Variants in UPP1 observed in about 807,000 individuals in gnomAD.
UPP1 encodes uridine phosphorylase 1.
UPP1 carries 25 observed loss-of-function variants against 29.6 expected under a neutral mutation model. The observed-to-expected ratio is 0.85, with a 90% CI of 0.62 to 1.18. The LOEUF (loss-of-function observed/expected upper bound fraction) is 1.18, where lower values mean the gene tolerates loss of function less well. UPP1 is among the 50% of genes most tolerant of loss of function. The probability of loss-of-function intolerance (pLI) is 0.00; values close to 1 mark genes in which losing one functional copy is unlikely to be tolerated. For missense variants in UPP1, 368 were observed against 410.4 expected (o/e 0.90, Z 0.89); for synonymous variants, 165 against 159.8 (o/e 1.03, Z -0.25).
chr7:48,091,918 G>A (rs1322137983), intron 2 of UPP1, among the ~76,000 whole-genome samples: 1 of 152,206 alleles, frequency 6.6e-6, no homozygotes, highest in African/African-American at 2.4e-5. Flanking sequence ...ACCAAACCTA[G>A]AGAGAAACAT....
intron 2 of UPP1, among the ~76,000 whole-genome samples, chr7:48,090,808 T>TAG (rs901846371): frequency 2.0e-5 from 3 of 152,244 alleles, no homozygotes; most frequent in African/African-American, 7.2e-5. Context: ...CCTGACCTTC[T>TAG]AGTCCTCTGC....
At chr7:48,094,942 G>T in intron 3 of UPP1, 115 bp downstream of exon 3, 1 of 1,265,052 alleles carries the variant, frequency 7.9e-7, no homozygotes. Context: ...TTTGATGCTT[G>T]TGAAAGAGAC....
At chr7:48,101,341 G>A (rs1792409391) in intron 4 of UPP1, among the ~76,000 whole-genome samples, 2 of 152,070 alleles carry the variant, frequency 1.3e-5, no homozygotes, top group African/African-American at 4.8e-5. Flanking sequence ...ATCACTTCCT[G>A]AGCCTCCTCT....
At chr7:48,089,729 C>T (rs1488177132) in intron 1 of UPP1, 3 of 152,176 alleles carry the variant, frequency 2.0e-5, no homozygotes, top group African/African-American at 4.8e-5. Flanking sequence ...GCGCGCGGGG[C>T]TCTGGGCGGG....
chr7:48,105,415 A>G (rs974708297), intron 6 of UPP1: 1 of 152,252 alleles, frequency 6.6e-6, no homozygotes, highest in Non-Finnish European at 1.5e-5. Flanking sequence ...GCAATCGGCC[A>G]TGTTTTTTAA....
chr7:48,095,226 G>A (rs150005880), intron 3 of UPP1, among the ~76,000 whole-genome samples: 1 of 152,276 alleles, frequency 6.6e-6, no homozygotes, highest in East Asian at 1.9e-4. Flanking sequence ...GGTATGCTTG[G>A]CATGACACCA....
chr7:48,099,434 T>A (rs1199923151), intron 3 of UPP1, among the ~76,000 whole-genome samples: 1 of 152,210 alleles, frequency 6.6e-6, no homozygotes, highest in Non-Finnish European at 1.5e-5. Context: ...ATTTCATCCC[T>A]GTTGCCCTCC....
chr7:48,101,984 T>C lies in UPP1; in HGVS notation c.321+2T>C. 3 of 1,612,974 alleles carry C rather than the reference T, an allele frequency of 1.9e-6. No homozygotes were observed. The highest frequency in any genetic ancestry group is 2.5e-6 in the Non-Finnish European group (3 of 1,179,312). ...GTAGGACCGGTGCTGTCTGTCAGTG[T>C]GAGTACCTGCCTTCCCTTGTGCTCA... On this transcript the variant is annotated splice_donor_variant, in intron 5 of 8. Coordinates refer to ENST00000395564, the MANE Select transcript of UPP1 (RefSeq NM_003364.4). LOFTEE classifies it high-confidence loss of function.
chr7:48,103,810 C>G, intron 6 of UPP1: 1 of 1,290,422 alleles, frequency 7.7e-7, no homozygotes. Flanking sequence ...GGAGAAAAGA[C>G]ACAGGAAAAT....
At chr7:48,098,743 C>T (rs557412360) in intron 3 of UPP1, among the ~76,000 whole-genome samples, 1 of 152,276 alleles carries the variant, frequency 6.6e-6, no homozygotes, top group African/African-American at 2.4e-5. Flanking sequence ...AAAGAAGTCC[C>T]CAATTGCTCT....
intron 3 of UPP1, among the ~76,000 whole-genome samples, chr7:48,095,688 G>T (rs1238125551): frequency 6.6e-6 from 1 of 151,908 alleles, no homozygotes; most frequent in Non-Finnish European, 1.5e-5. Context: ...TTGTCGCCCA[G>T]GCTGGAGTGC....
intron 6 of UPP1, 100 bp from the exon 7 acceptor site, chr7:48,106,773 T>G: frequency 9.2e-7 from 1 of 1,085,200 alleles, no homozygotes; most frequent in Non-Finnish European, 1.4e-6. Context: ...TGGATCTGCT[T>G]CTTTCTTCCA....
At chr7:48,103,176 T>A (rs1792525757) in intron 5 of UPP1, 121 bp from the exon 6 acceptor site, 1 of 693,590 alleles carries the variant, frequency 1.4e-6, no homozygotes, top group Non-Finnish European at 2.5e-6. Context: ...ATTTAAAAAG[T>A]TTATCTTTCA....
At position 48,107,444 on chromosome 7, in the gene UPP1, G is replaced by T; in HGVS notation, c.730G>T (p.Val244Phe). Residue 244 changes from valine to phenylalanine, a missense_variant, in exon 8 of 9, where the codon GTC (valine) becomes TTC (phenylalanine). Transcript: ENST00000395564. ...TCTGGAGGCAGCCTATGCAGCCGGCGTCCGCAATATCGAGATGGAGTCCTC... is the reference window on the plus strand; with the variant it reads ...TCTGGAGGCAGCCTATGCAGCCGGCTTCCGCAATATCGAGATGGAGTCCTC... ...AYLEAAYAAG[V>F]RNIEMESSVF... 6.2e-7 allele frequency: 1 copy of T among 1,614,200 alleles called. No homozygotes were observed.
chr7:48,097,104 T>C (rs1164566335), intron 3 of UPP1, among the ~76,000 whole-genome samples: 1 of 152,246 alleles, frequency 6.6e-6, no homozygotes, highest in Non-Finnish European at 1.5e-5. Flanking sequence ...TCACTTGAAA[T>C]TATGTGTAGA....
At chr7:48,101,506 C>T (rs925470828) in intron 4 of UPP1, among the ~76,000 whole-genome samples, 5 of 152,082 alleles carry the variant, frequency 3.3e-5, no homozygotes, top group Non-Finnish European at 5.9e-5. Context: ...CTCCACAGGC[C>T]GCCTTCTACA....
intron 4 of UPP1, 81 bp downstream of exon 4, chr7:48,099,868 A>G (rs1236894020): frequency 1.1e-6 from 1 of 909,382 alleles, no homozygotes; most frequent in Non-Finnish European, 1.8e-6. Context: ...CCAACCCACA[A>G]ATGCTTGAGA....
intron 2 of UPP1, among the ~76,000 whole-genome samples, chr7:48,090,899 C>A (rs567949021): frequency 4.5e-4 from 69 of 152,328 alleles, no homozygotes; most frequent in African/African-American, 1.6e-3. Flanking sequence ...CCAATACTTT[C>A]AGCACTGGTG....
chr7:48,105,672 G>A (rs1433698375), intron 6 of UPP1: 1 of 152,456 alleles, frequency 6.6e-6, no homozygotes, highest in Non-Finnish European at 1.5e-5. Context: ...GGTGTCTGGT[G>A]AGGGCTAACT....
Sources: allele counts gnomAD v4.1 joint callset (sites outside exome capture counted in the v4.1 genomes callset), GRCh38; gene constraint gnomAD v4.1.1; transcripts MANE v1.5; gene names NCBI Gene and HGNC (gene_info 2026-07-23, HGNC 2026-07-21).